The following PDE4D variants were observed in gnomAD, a reference collection of about 807,000 sequenced individuals.
PDE4D encodes the protein 3',5'-cyclic-AMP phosphodiesterase 4D.
Under a neutral mutation model 87.4 loss-of-function variants are expected in PDE4D, and 24 were observed. The ratio of observed to expected loss-of-function variants is 0.27; its 90% CI spans 0.20 to 0.39. The LOEUF is 0.39. PDE4D is among the 10% of genes least tolerant of loss of function. PDE4D has a pLI of 1.00. For synonymous variants in PDE4D, 384 were observed against 383.2 expected, an observed-to-expected ratio of 1.00 and a Z score of -0.02; for missense variants, 714 against 1,041.0, an observed-to-expected ratio of 0.69 and a Z score of 4.32.
chr5:59,529,211 T>A (rs1035668740), intron 1 of PDE4D: 3 of 489,258 alleles, frequency 6.1e-6, no homozygotes, highest in Non-Finnish European at 1.2e-5. Flanking sequence ...GAAAAACTTA[T>A]CCAGGAAGGA....
intron 1 of PDE4D, among the ~76,000 whole-genome samples, chr5:59,474,196 C>A (rs186491664): frequency 6.6e-6 from 1 of 152,154 alleles, no homozygotes; most frequent in African/African-American, 2.4e-5. Flanking sequence ...TTTTACATTC[C>A]TGCTAGTATT....
At chr5:59,775,267 C>T (rs1039364873) in intron 1 of PDE4D, among the ~76,000 whole-genome samples, 1 of 151,912 alleles carries the variant, frequency 6.6e-6, no homozygotes, top group Non-Finnish European at 1.5e-5. Context: ...AGAGGAATAA[C>T]CAAACATTTT....
chr5:59,897,212 C>T (rs1034659226), upstream of PDE4D, among the ~76,000 whole-genome samples: 14 of 152,196 alleles, frequency 9.2e-5, no homozygotes, highest in South Asian at 2.1e-4. Context: ...CACCCCCACC[C>T]TTTTCTGCAA....
rs553728378 is a variant in PDE4D at position 59,251,798 on chromosome 5, T to C, written c.456-35830A>G. Among the ~76,000 whole-genome samples the C allele has an allele frequency of 4.6e-5, 7 of 152,176 alleles. 1 individual carries two copies. Among genetic ancestry groups the C allele is most frequent in the African/African-American group, 1.7e-4 (7 of 41,528 alleles). On this transcript the variant is annotated intron_variant, in intron 1 of 14. Transcript: ENST00000340635. ...ACCTAGATACCCATCAGTCACAGAT[T>C]AGACAAAGAGAATGAGGTAAATTTA... is the stretch of plus-strand genomic sequence containing the variant.
chr5:59,157,398 A>G (rs555998636), intron 5 of PDE4D: 2 of 702,014 alleles, frequency 2.8e-6, no homozygotes, highest in East Asian at 5.4e-5. Context: ...AGTGATCCGA[A>G]GACATTTTTC....
At chr5:59,040,284 G>A (rs542052232) in intron 5 of PDE4D, among the ~76,000 whole-genome samples, 2 of 152,316 alleles carry the variant, frequency 1.3e-5, no homozygotes, top group African/African-American at 4.8e-5. Context: ...ATGTTGTGGG[G>A]TCGGAACGCT....
intron 1 of PDE4D, among the ~76,000 whole-genome samples, chr5:60,217,261 G>A (rs528772721): frequency 1.5e-4 from 23 of 151,994 alleles, no homozygotes; most frequent in Non-Finnish European, 2.8e-4. Flanking sequence ...GGACAAGGAG[G>A]AATGGGGAGT....
chr5:59,654,709 A>C, intron 1 of PDE4D, among the ~76,000 whole-genome samples: 1 of 152,030 alleles, frequency 6.6e-6, no homozygotes. Flanking sequence ...ACACCCCCCA[A>C]ACCCTTTGAC....
chr5:59,201,400 T>C (rs557945776), intron 2 of PDE4D, among the ~76,000 whole-genome samples: 1 of 152,238 alleles, frequency 6.6e-6, no homozygotes, highest in Non-Finnish European at 1.5e-5. Context: ...CCAAATTATT[T>C]TTTCCATATA....
chr5:59,972,366 G>C (rs910234684), intron 3 of PDE4D, among the ~76,000 whole-genome samples: 2 of 152,126 alleles, frequency 1.3e-5, no homozygotes, highest in Admixed American at 6.6e-5. Flanking sequence ...CATCCCCCCA[G>C]CTATCCCAAG....
chr5:59,433,923 T>C (rs1796455358), intron 1 of PDE4D, among the ~76,000 whole-genome samples: 2 of 152,216 alleles, frequency 1.3e-5, no homozygotes, highest in South Asian at 2.1e-4. Context: ...TTCTAATAAC[T>C]GGAATAATAC....
At chr5:59,179,382 G>A (rs575045163) in intron 5 of PDE4D, among the ~76,000 whole-genome samples, 18 of 152,112 alleles carry the variant, frequency 1.2e-4, no homozygotes, top group Admixed American at 5.9e-4. Flanking sequence ...GATTACAAGC[G>A]TGAGCCACCA....
At chr5:60,173,835 A>G (rs1783689513) in intron 2 of PDE4D, among the ~76,000 whole-genome samples, 1 of 152,066 alleles carries the variant, frequency 6.6e-6, no homozygotes, top group Non-Finnish European at 1.5e-5. Context: ...ATTGGTGGAA[A>G]GGGAAGTCAA....
At chr5:59,708,085 A>C (rs1425675349) in intron 1 of PDE4D, among the ~76,000 whole-genome samples, 1 of 152,184 alleles carries the variant, frequency 6.6e-6, no homozygotes, top group Non-Finnish European at 1.5e-5. Context: ...GCAGTGTAAA[A>C]GCGTTCCTAC....
chr5:60,259,740 C>A (rs558111899), intron 1 of PDE4D, among the ~76,000 whole-genome samples: 1 of 151,914 alleles, frequency 6.6e-6, no homozygotes, highest in Admixed American at 6.6e-5. Context: ...AGGAATAGAC[C>A]CTCTTTACAC....
chr5:59,342,687 T>C (rs1778924343), intron 1 of PDE4D, among the ~76,000 whole-genome samples: 1 of 152,122 alleles, frequency 6.6e-6, no homozygotes, highest in Non-Finnish European at 1.5e-5. Context: ...AGTTTCACAT[T>C]AATCCATTTG....
At chr5:59,529,294 T>C (rs1813722014) in intron 1 of PDE4D, 2 of 345,394 alleles carry the variant, frequency 5.8e-6, no homozygotes, top group South Asian at 6.2e-5. Context: ...CTTAAATAAA[T>C]TGTCTATTAA....
At chr5:60,486,897 T>C (rs567078896) in intron 1 of PDE4D, among the ~76,000 whole-genome samples, 7 of 152,332 alleles carry the variant, frequency 4.6e-5, no homozygotes, top group African/African-American at 1.7e-4. Context: ...GACCTACCTT[T>C]GTGCTGTATT....
At chr5:59,736,572 G>A (rs756189554) in intron 1 of PDE4D, among the ~76,000 whole-genome samples, 7 of 151,886 alleles carry the variant, frequency 4.6e-5, no homozygotes, top group South Asian at 2.1e-4. Context: ...CTAGGTACTC[G>A]GAAGGCTGAG....
Sources: allele counts gnomAD v4.1 joint callset (sites outside exome capture counted in the v4.1 genomes callset), GRCh38; gene constraint gnomAD v4.1.1; transcripts MANE v1.5; gene names NCBI Gene and HGNC (gene_info 2026-07-23, HGNC 2026-07-21).